The following FRA10AC1 variants were observed in gnomAD, a reference collection of about 807,000 sequenced individuals.
The protein encoded by FRA10AC1 is protein FRA10AC1.
FRA10AC1 carries 43 observed loss-of-function variants against 56.5 expected under a neutral mutation model. The ratio of observed to expected loss-of-function variants is 0.76; its 90% CI spans 0.60 to 0.98. The LOEUF (loss-of-function observed/expected upper bound fraction) is 0.98. Ranked by LOEUF, FRA10AC1 falls within the 50% of genes least tolerant of loss-of-function variation. The pLI, the probability that FRA10AC1 is intolerant of heterozygous loss-of-function variation, is 0.00. For synonymous variants in FRA10AC1, 112 were observed against 110.5 expected (o/e 1.01, Z -0.09); for missense variants, 346 against 351.8 (o/e 0.98, Z 0.13).
intron 1 of FRA10AC1, 90 bp from the exon 2 acceptor site, chr10:93,700,196 C>T: frequency 1.3e-6 from 1 of 762,964 alleles, no homozygotes; most frequent in Non-Finnish European, 2.2e-6. Context: ...CTTAAACAGC[C>T]ACAATAGTTT....
At position 93,685,374 on chromosome 10, in the gene FRA10AC1, G is replaced by A; in HGVS notation, c.512-15C>T. The A allele has an allele frequency of 9.0e-7, 1 of 1,113,718 alleles. No homozygotes were observed. Among genetic ancestry groups the A allele is most frequent in the African/African-American group, 1.6e-5 (1 of 63,914 alleles). 69.0% of individuals were successfully genotyped at this position (1,113,718 alleles called of 1,614,324 possible). A position where few individuals can be genotyped will look rare whatever the true frequency, so the allele number is the denominator to read the frequency against. On this transcript the variant is annotated splice_polypyrimidine_tract_variant and intron_variant, in intron 8 of 13. Coordinates refer to ENST00000359204, the MANE Select transcript of FRA10AC1 (RefSeq NM_145246.5). ...GAAAAATTGACCTGCAGAAAGGAAAGGAATATTAGCTATGGTAGTTGGTGA... is the reference window on the plus strand; with the variant it reads ...GAAAAATTGACCTGCAGAAAGGAAAAGAATATTAGCTATGGTAGTTGGTGA...
At chr10:93,682,847 A>G (rs1435362486) in intron 10 of FRA10AC1, among the ~76,000 whole-genome samples, 3 of 152,102 alleles carry the variant, frequency 2.0e-5, no homozygotes, top group African/African-American at 7.2e-5. Context: ...TAATCCTGCT[A>G]ATTTTAAGAA....
At chr10:93,694,667 T>C (rs2059197819) in intron 5 of FRA10AC1, among the ~76,000 whole-genome samples, 194 bp downstream of exon 5, 1 of 126,868 alleles carries the variant, frequency 7.9e-6, no homozygotes. Flanking sequence ...TGAGCCGAGA[T>C]CAAGCCACTG....
At chr10:93,687,341 CCAATT>C in intron 8 of FRA10AC1, 58 bp downstream of exon 8, 1 of 1,259,118 alleles carries the variant, frequency 7.9e-7, no homozygotes, top group African/African-American at 1.5e-5. Context: ...CTTAATGACT[CCAATT>C]CAGTAACTTA....
At position 93,689,125 on chromosome 10, in the gene FRA10AC1, G is replaced by C. The variant is rs141132671; in HGVS notation, c.466-1676C>G. ...CTTCAGGCATGTGCTACCCTGCCTG[G>C]CTAATTTTATTTTTTATAGAGACAA... is the stretch of plus-strand genomic sequence containing the variant. On this transcript the variant is annotated intron_variant, in intron 7 of 13. Coordinates refer to ENST00000359204, the MANE Select transcript of FRA10AC1 (RefSeq NM_145246.5). Among the ~76,000 whole-genome samples, 38 of 148,326 alleles carry C rather than the reference G, an allele frequency of 2.6e-4. 1 individual carries two copies. The East Asian group carries it at 7.6e-3, about 30-fold the overall frequency.
intron 11 of FRA10AC1, among the ~76,000 whole-genome samples, chr10:93,678,313 T>C (rs748819417): frequency 4.0e-5 from 6 of 150,546 alleles, no homozygotes; most frequent in Non-Finnish European, 8.8e-5. Context: ...GACTGGTCCT[T>C]AAAGTCAGCT....
chr10:93,696,213 T>G (rs2059232357), intron 4 of FRA10AC1, among the ~76,000 whole-genome samples: 1 of 152,194 alleles, frequency 6.6e-6, no homozygotes, highest in African/African-American at 2.4e-5. Context: ...GATAGCGAGT[T>G]CCCTAGGTTT....
At chr10:93,683,356 C>CT (rs35621433) in intron 10 of FRA10AC1, among the ~76,000 whole-genome samples, 224 of 148,540 alleles carry the variant, frequency 1.5e-3, no homozygotes, top group African/African-American at 4.5e-3. Flanking sequence ...CTGATTTTAA[C>CT]TTTTTTTTTT....
Position 93,693,512 on chromosome 10 carries a change from C to CAT in FRA10AC1, c.297-785_297-784dup, listed in dbSNP as rs1273110067. On this transcript the variant is annotated intron_variant, in intron 5 of 13. Transcript: ENST00000359204. The stretch of plus-strand genomic sequence containing the variant: ...TATATATATATATATATATATACAC[C>CAT]ATATATATATATATACACCATATAT... 0.023 allele frequency among the ~76,000 whole-genome samples: 372 copies of CAT among 16,320 alleles called. 46 individuals are homozygous for CAT. In the East Asian group the frequency reaches 0.3, roughly 13 times the overall value. The allele number at this position is 16,320 out of a possible 152,430, so 10.7% of individuals were successfully genotyped here. A position where few individuals can be genotyped will look rare whatever the true frequency, so the allele number is the denominator to read the frequency against.
At chr10:93,672,819 G>A (rs1467376784) in intron 12 of FRA10AC1, 1 of 154,330 alleles carries the variant, frequency 6.5e-6, no homozygotes, top group African/African-American at 2.4e-5. Flanking sequence ...TGAATCTATA[G>A]TATCCTGGTT....
Position 93,692,047 on chromosome 10 carries a change from A to G in FRA10AC1, c.427T>C (p.Tyr143His), listed in dbSNP as rs376592865. 3.2e-6 allele frequency: 5 copies of G among 1,565,036 alleles called. No homozygotes were observed. The highest frequency in any genetic ancestry group is 2.8e-5 in the African/African-American group (2 of 71,504). ...KKYYDKLFKE[Y>H]CIADLSKYKE... ...TATTTACTGAGATCTGCTATGCAGT[A>G]TTCCTTAAATAATTTATCATAGTAT... The change falls in exon 7 of 14, where the codon TAC (tyrosine) becomes CAC (histidine). Residue 143 changes from tyrosine to histidine, a missense_variant. Coordinates refer to ENST00000359204, the MANE Select transcript of FRA10AC1 (RefSeq NM_145246.5).
chr10:93,686,245 T>C (rs1354791264), intron 8 of FRA10AC1, among the ~76,000 whole-genome samples: 2 of 151,846 alleles, frequency 1.3e-5, no homozygotes, highest in Non-Finnish European at 3.0e-5. Flanking sequence ...TTAAACTCAT[T>C]CCAAATGAAT....
At chr10:93,680,158 C>A (rs911010346) in intron 11 of FRA10AC1, among the ~76,000 whole-genome samples, 5 of 152,050 alleles carry the variant, frequency 3.3e-5, no homozygotes, top group African/African-American at 1.2e-4. Context: ...ATTTGGAATA[C>A]GCAGTGATTA....
intron 12 of FRA10AC1, chr10:93,673,578 G>A (rs1242830327): frequency 2.8e-6 from 1 of 353,426 alleles, no homozygotes; most frequent in African/African-American, 2.1e-5. Flanking sequence ...CTGAAGAAAT[G>A]GCAAATGTCT....
intron 4 of FRA10AC1, among the ~76,000 whole-genome samples, chr10:93,697,748 T>C (rs187777644): frequency 6.6e-6 from 1 of 152,310 alleles, no homozygotes; most frequent in Non-Finnish European, 1.5e-5. Flanking sequence ...AGACCTAATT[T>C]TAAATACAAG....
At chr10:93,692,622 A>C (rs2059143596) in intron 6 of FRA10AC1, 24 bp downstream of exon 6, 1 of 1,452,766 alleles carries the variant, frequency 6.9e-7, no homozygotes. Context: ...CATTTGATGC[A>C]TTACGCCTCT....
chr10:93,673,929 G>A (rs1420154760), intron 12 of FRA10AC1: 6 of 243,910 alleles, frequency 2.5e-5, no homozygotes, highest in Non-Finnish European at 4.2e-5. Context: ...TTTCACTGAT[G>A]AACAGTTATT....
At chr10:93,688,576 A>G (rs145456906) in intron 7 of FRA10AC1, among the ~76,000 whole-genome samples, 2,436 of 152,288 alleles carry the variant, frequency 0.016, 89 homozygotes, top group Admixed American at 0.088. Flanking sequence ...GGATGCTGAC[A>G]GTAGGGGATG....
At chr10:93,673,219 A>G (rs984996891) in intron 12 of FRA10AC1, 2 of 409,062 alleles carry the variant, frequency 4.9e-6, no homozygotes, top group Admixed American at 3.2e-5. Flanking sequence ...GTTTTTGGGC[A>G]GTTCTGCCAA....
Sources: gnomAD v4.1 joint callset for allele counts (sites outside exome capture counted in the v4.1 genomes callset) on GRCh38, gnomAD v4.1.1 for gene constraint, MANE v1.5 for transcripts, NCBI Gene and HGNC (gene_info 2026-07-23, HGNC 2026-07-21) for gene names.